Variants in PLA2G4A observed in about 807,000 individuals in gnomAD.
PLA2G4A encodes cytosolic phospholipase A2.
Under a neutral mutation model 81.9 loss-of-function variants are expected in PLA2G4A, and 40 were observed. That is an observed-to-expected ratio of 0.49 (90% CI 0.38 to 0.64). The LOEUF (loss-of-function observed/expected upper bound fraction) is 0.64. Ranked by LOEUF, PLA2G4A falls within the 30% of genes least tolerant of loss-of-function variation. PLA2G4A has a pLI of 0.00. For synonymous variants in PLA2G4A, 302 were observed against 296.9 expected (o/e 1.02, Z -0.18); for missense variants, 715 against 905.1 (o/e 0.79, Z 2.69).
intron 5 of PLA2G4A, among the ~76,000 whole-genome samples, chr1:186,902,516 T>G (rs1316768609): frequency 6.6e-6 from 1 of 152,148 alleles, no homozygotes; most frequent in Non-Finnish European, 1.5e-5. Context: ...CCAAAATTTT[T>G]GCTGCCTCAA....
chr1:186,914,049 G>A (rs1277379400), intron 7 of PLA2G4A, among the ~76,000 whole-genome samples: 1 of 152,158 alleles, frequency 6.6e-6, no homozygotes, highest in Non-Finnish European at 1.5e-5. Context: ...TTTAAAAAGA[G>A]AGGCTTCTCT....
chr1:186,898,818 G>A (rs930150351), intron 5 of PLA2G4A, among the ~76,000 whole-genome samples: 4 of 152,292 alleles, frequency 2.6e-5, no homozygotes, highest in African/African-American at 9.6e-5. Flanking sequence ...AAACTTCAGT[G>A]TATCATTATC....
intron 3 of PLA2G4A, among the ~76,000 whole-genome samples, chr1:186,885,449 C>T (rs762177542): frequency 6.6e-6 from 1 of 152,158 alleles, no homozygotes; most frequent in Non-Finnish European, 1.5e-5. Context: ...ATCAGTCCTA[C>T]TTTCTCTGCC....
chr1:186,916,272 A>G lies in PLA2G4A; in HGVS notation c.558+4883A>G, dbSNP rs1655134322. 2.6e-5 allele frequency among the ~76,000 whole-genome samples: 4 copies of G among 152,006 alleles called. No homozygotes were observed. The South Asian group carries it at 8.3e-4, about 31-fold the overall frequency. On this transcript the variant is annotated intron_variant, in intron 7 of 17. Coordinates refer to ENST00000367466, the MANE Select transcript of PLA2G4A (RefSeq NM_024420.3). ...CTTTTTTCCAGTGAGGATTAAGGGGATTGGTTATCACTAGCTCTAAGGGGT... is the reference window on the plus strand; with the variant it reads ...CTTTTTTCCAGTGAGGATTAAGGGGGTTGGTTATCACTAGCTCTAAGGGGT...
intron 14 of PLA2G4A, among the ~76,000 whole-genome samples, chr1:186,961,731 AT>A (rs1008308784): frequency 3.3e-5 from 5 of 151,906 alleles, no homozygotes; most frequent in South Asian, 2.1e-4. Context: ...TTTCAGCTAA[AT>A]TTTTTTTTAA....
intron 14 of PLA2G4A, among the ~76,000 whole-genome samples, chr1:186,959,229 A>T (rs1656861972): frequency 1.3e-5 from 2 of 152,056 alleles, no homozygotes. Flanking sequence ...ATATGAGTTG[A>T]TTGCGGGTGT....
intron 12 of PLA2G4A, 100 bp downstream of exon 12, chr1:186,947,061 C>A (rs1656372392): frequency 1.4e-6 from 1 of 727,104 alleles, no homozygotes; most frequent in Admixed American, 2.3e-5. Flanking sequence ...AATATTTCAA[C>A]TATTCTAAAT....
chr1:186,912,504 C>T (rs1008145901), intron 7 of PLA2G4A, among the ~76,000 whole-genome samples: 4 of 152,130 alleles, frequency 2.6e-5, no homozygotes, highest in African/African-American at 9.6e-5. Context: ...CTTTTACTGT[C>T]TCCATAGCTT....
intron 1 of PLA2G4A, among the ~76,000 whole-genome samples, chr1:186,850,527 A>G (rs1264741922): frequency 1.1e-5 from 1 of 88,558 alleles, no homozygotes; most frequent in Non-Finnish European, 2.4e-5. Flanking sequence ...AAGAAGTCTT[A>G]TATACTATTG....
chr1:186,833,100 G>A (rs1434969335), intron 1 of PLA2G4A, among the ~76,000 whole-genome samples: 5 of 152,236 alleles, frequency 3.3e-5, no homozygotes, highest in South Asian at 4.2e-4. Flanking sequence ...TAAGGGTGGC[G>A]TGATGACTGT....
intron 7 of PLA2G4A, among the ~76,000 whole-genome samples, chr1:186,924,481 G>C (rs989598294): frequency 6.8e-4 from 104 of 152,240 alleles, no homozygotes; most frequent in African/African-American, 2.3e-3. Flanking sequence ...TGCCTCTTTG[G>C]TGTTCTTTAC....
chr1:186,927,407 A>G (rs1655586355), intron 7 of PLA2G4A, among the ~76,000 whole-genome samples: 1 of 152,210 alleles, frequency 6.6e-6, no homozygotes, highest in Non-Finnish European at 1.5e-5. Flanking sequence ...TTCTTGTTCT[A>G]AAATAGTTTC....
chr1:186,922,546 C>T (rs529787748), intron 7 of PLA2G4A, among the ~76,000 whole-genome samples: 7 of 152,280 alleles, frequency 4.6e-5, no homozygotes, highest in Admixed American at 2.0e-4. Context: ...GGAGTGCTCT[C>T]AGGATCTGCT....
At chr1:186,946,074 C>A (rs1222917010) in intron 10 of PLA2G4A, among the ~76,000 whole-genome samples, 1 of 152,120 alleles carries the variant, frequency 6.6e-6, no homozygotes. Context: ...AGCTCCAGAG[C>A]CCCCGCGCTT....
chr1:186,886,909 T>C (rs1305810994), intron 3 of PLA2G4A, among the ~76,000 whole-genome samples: 1 of 152,174 alleles, frequency 6.6e-6, no homozygotes, highest in Non-Finnish European at 1.5e-5. Context: ...TTCCTCGTAA[T>C]ATTATACCTT....
intron 3 of PLA2G4A, among the ~76,000 whole-genome samples, chr1:186,884,887 G>A (rs1653876650): frequency 2.0e-5 from 1 of 49,322 alleles, no homozygotes. Context: ...GTAAGATCCT[G>A]TCTTCAAAAA....
At chr1:186,972,924 G>C (rs929494126) in intron 15 of PLA2G4A, among the ~76,000 whole-genome samples, 3 of 152,256 alleles carry the variant, frequency 2.0e-5, no homozygotes, top group African/African-American at 7.2e-5. Flanking sequence ...GTTGAAACGA[G>C]GGCATGACCT....
rs150017874 is a variant in PLA2G4A at position 186,950,331 on chromosome 1, G to A, written c.1265-326G>A. ...TTAAAAATATCTAATAAAGAAAAAG[G>A]CATATTTTTTGGTATAACAAGGAGC... On this transcript the variant is annotated intron_variant, in intron 12 of 17. Transcript: ENST00000367466. 8.2e-4 allele frequency among the ~76,000 whole-genome samples: 125 copies of A among 152,076 alleles called. 1 individual carries two copies. The highest frequency in any genetic ancestry group is 1.3e-3 in the Non-Finnish European group (88 of 67,972).
chr1:186,965,684 T>A, intron 15 of PLA2G4A, 91 bp downstream of exon 15: 2 of 891,854 alleles, frequency 2.2e-6, no homozygotes, highest in South Asian at 2.6e-5. Flanking sequence ...AGTTTCTTAT[T>A]CCTTTAATGT....
Sources: gnomAD v4.1 joint callset for allele counts (sites outside exome capture counted in the v4.1 genomes callset) on GRCh38, gnomAD v4.1.1 for gene constraint, MANE v1.5 for transcripts, NCBI Gene and HGNC (gene_info 2026-07-23, HGNC 2026-07-21) for gene names.